The following SOX5 variants were observed in gnomAD, a reference collection of about 807,000 sequenced individuals.
SOX5 encodes SRY-box transcription factor 5.
Under a neutral mutation model 92.0 loss-of-function variants are expected in SOX5, and 9 were observed. The ratio of observed to expected loss-of-function variants is 0.10; its 90% CI spans 0.06 to 0.17. The LOEUF (loss-of-function observed/expected upper bound fraction) is 0.17. Among genes scored for constraint, SOX5 ranks in the 10% least tolerant of loss-of-function variants. The pLI is 1.00. For synonymous variants in SOX5, 344 were observed against 336.3 expected, an observed-to-expected ratio of 1.02 and a Z score of -0.25; for missense variants, 642 against 944.5, an observed-to-expected ratio of 0.68 and a Z score of 4.20.
intron 4 of SOX5, among the ~76,000 whole-genome samples, chr12:24,102,419 T>C (rs1016495601): frequency 6.6e-6 from 1 of 152,164 alleles, no homozygotes; most frequent in Non-Finnish European, 1.5e-5. Flanking sequence ...AGAATAAGTA[T>C]AGGAAATGAC....
At chr12:24,261,338 T>C (rs1942057461) in intron 3 of SOX5, among the ~76,000 whole-genome samples, 1 of 152,212 alleles carries the variant, frequency 6.6e-6, no homozygotes, top group Non-Finnish European at 1.5e-5. Flanking sequence ...TTAAGGACTT[T>C]GTAGCAAAGG....
upstream of SOX5, among the ~76,000 whole-genome samples, chr12:23,955,303 A>G (rs11047170): frequency 0.22 from 34,035 of 152,066 alleles, 4,186 homozygotes; most frequent in Middle Eastern, 0.28. Flanking sequence ...AACATAAAAG[A>G]TAGTTCATTC....
intron 1 of SOX5, among the ~76,000 whole-genome samples, chr12:24,454,152 T>C (rs1942712614): frequency 6.6e-6 from 1 of 152,208 alleles, no homozygotes; most frequent in African/African-American, 2.4e-5. Flanking sequence ...TGCTTAAGTA[T>C]TCCGTGAATA....
At chr12:24,484,681 C>A (rs954505627) in intron 1 of SOX5, among the ~76,000 whole-genome samples, 1 of 152,114 alleles carries the variant, frequency 6.6e-6, no homozygotes, top group Non-Finnish European at 1.5e-5. Flanking sequence ...ATGTATGCAT[C>A]GTAACAAAAC....
intron 4 of SOX5, among the ~76,000 whole-genome samples, chr12:24,171,229 GT>G (rs1285258917): frequency 0.011 from 627 of 58,344 alleles, 80 homozygotes; most frequent in African/African-American, 0.043. Context: ...TTGTTTGTTT[GT>G]TTTTTTTTTT....
At chr12:23,777,829 G>T (rs1249452009) in intron 3 of SOX5, among the ~76,000 whole-genome samples, 2 of 152,022 alleles carry the variant, frequency 1.3e-5, no homozygotes, top group Non-Finnish European at 2.9e-5. Context: ...CACCTTCAAC[G>T]TACTTGCACT....
intron 2 of SOX5, among the ~76,000 whole-genome samples, chr12:24,308,708 A>G (rs1948867318): frequency 6.6e-6 from 1 of 152,248 alleles, no homozygotes; most frequent in African/African-American, 2.4e-5. Flanking sequence ...AAATTTAAAA[A>G]AAGTACACAA....
rs73273832 is a variant in SOX5, at chr12:23,534,731, C to T, written c.1989-209G>A. 9.4e-3 allele frequency among the ~76,000 whole-genome samples: 1,157 copies of T among 122,656 alleles called. 16 individuals are homozygous for T. The highest frequency in any genetic ancestry group is 0.033 in the African/African-American group (1,081 of 32,366). The allele number at this position is 122,656 out of a possible 152,430, so 80.5% of individuals were successfully genotyped here. ...TTTTTTTTTTTTTTTTTTGAGATGA[C>T]GTAGTTTCGCTCCTGTTGCCTAGGC... is the stretch of plus-strand genomic sequence containing the variant. On this transcript the variant is annotated intron_variant, in intron 14 of 14. Coordinates refer to ENST00000451604, the MANE Select transcript of SOX5 (RefSeq NM_006940.6).
intron 3 of SOX5, among the ~76,000 whole-genome samples, chr12:23,765,932 A>G (rs1402619980): frequency 6.6e-6 from 1 of 152,158 alleles, no homozygotes; most frequent in Non-Finnish European, 1.5e-5. Context: ...TAGGAAACTC[A>G]TCATCTCCTG....
intron 9 of SOX5, among the ~76,000 whole-genome samples, chr12:23,601,811 T>C (rs1303449467): frequency 6.6e-6 from 1 of 152,146 alleles, no homozygotes; most frequent in Non-Finnish European, 1.5e-5. Context: ...CTTATTGGTG[T>C]GGCTATTTTT....
chr12:24,465,018 T>C (rs1944069200), intron 1 of SOX5, among the ~76,000 whole-genome samples: 1 of 152,208 alleles, frequency 6.6e-6, no homozygotes, highest in Non-Finnish European at 1.5e-5. Context: ...ATAGTGCTCA[T>C]CGGGATGATG....
At chr12:23,770,660 T>C (rs377392287) in intron 3 of SOX5, among the ~76,000 whole-genome samples, 2 of 152,198 alleles carry the variant, frequency 1.3e-5, no homozygotes, top group East Asian at 1.9e-4. Flanking sequence ...GGAAGCATAA[T>C]TGATTGCAGC....
At chr12:23,910,846 A>G (rs1568898020) in intron 1 of SOX5, among the ~76,000 whole-genome samples, 1 of 152,100 alleles carries the variant, frequency 6.6e-6, no homozygotes, top group Non-Finnish European at 1.5e-5. Context: ...TAAAATGTAT[A>G]TTTATAACAG....
chr12:23,876,442 A>G (rs929699509), intron 2 of SOX5, among the ~76,000 whole-genome samples: 1 of 152,252 alleles, frequency 6.6e-6, no homozygotes, highest in African/African-American at 2.4e-5. Context: ...ACCTCATGCC[A>G]GTTAGAATGG....
At chr12:23,672,918 CA>C (rs2085027559) in intron 6 of SOX5, among the ~76,000 whole-genome samples, 1 of 152,094 alleles carries the variant, frequency 6.6e-6, no homozygotes, top group Admixed American at 6.6e-5. Context: ...TCTGAAGCAT[CA>C]TGTTCTTACA....
chr12:24,098,135 G>A lies in SOX5; in HGVS notation c.-2+115208C>T, dbSNP rs181663228. 1.2e-3 allele frequency among the ~76,000 whole-genome samples: 180 copies of A among 152,194 alleles called. 1 individual carries two copies. Among genetic ancestry groups the A allele is most frequent in the African/African-American group, 4.1e-3 (171 of 41,534 alleles). ...TAGTAGGTGTGATGCTTGGAAGTTC[G>A]TATGTGTCAGTGAGTTTTCTAAGTC... On this transcript the variant is annotated intron_variant, in intron 4 of 4. Coordinates refer to the SOX5 transcript ENST00000446891.
intron 2 of SOX5, among the ~76,000 whole-genome samples, chr12:24,340,927 A>G (rs985410335): frequency 6.6e-6 from 1 of 152,206 alleles, no homozygotes; most frequent in East Asian, 1.9e-4. Flanking sequence ...AAAGGACTCA[A>G]CAAGCCCACT....
chr12:24,174,714 A>G (rs917555043), intron 4 of SOX5, among the ~76,000 whole-genome samples: 1 of 152,026 alleles, frequency 6.6e-6, no homozygotes, highest in Non-Finnish European at 1.5e-5. Flanking sequence ...CCAGCTGCTC[A>G]GGAGGCTGAG....
intron 6 of SOX5, among the ~76,000 whole-genome samples, chr12:23,694,976 T>C (rs2089542000): frequency 6.6e-6 from 1 of 151,992 alleles, no homozygotes; most frequent in Non-Finnish European, 1.5e-5. Flanking sequence ...AAAAATTAGC[T>C]GGGCATGGTG....
Sources: allele counts gnomAD v4.1 joint callset (sites outside exome capture counted in the v4.1 genomes callset), GRCh38; gene constraint gnomAD v4.1.1; transcripts MANE v1.5; gene names NCBI Gene and HGNC (gene_info 2026-07-23, HGNC 2026-07-21).